Variants in SPON1 observed in about 807,000 individuals in gnomAD.
SPON1 encodes the protein spondin 1.
Under a neutral mutation model 111.7 loss-of-function variants are expected in SPON1, and 52 were observed. The ratio of observed to expected loss-of-function variants is 0.47; its 90% CI spans 0.37 to 0.59. The LOEUF (loss-of-function observed/expected upper bound fraction) is 0.59, where lower values mean the gene tolerates loss of function less well. Among genes scored for constraint, SPON1 ranks in the 20% least tolerant of loss-of-function variants. SPON1 has a pLI of 0.00. For missense variants in SPON1, 957 were observed against 1,068.5 expected, an observed-to-expected ratio of 0.90 and a Z score of 1.46; for synonymous variants, 410 against 395.8, an observed-to-expected ratio of 1.04 and a Z score of -0.43.
At chr11:14,263,182 G>A (rs562444394) in intron 15 of SPON1, 151 of 557,132 alleles carry the variant, frequency 2.7e-4, no homozygotes, top group South Asian at 2.6e-3. Context: ...GGAGATTGGC[G>A]GTGGGGGTCA....
At chr11:14,064,442 T>C (rs1317851279) in intron 3 of SPON1, among the ~76,000 whole-genome samples, 1 of 151,690 alleles carries the variant, frequency 6.6e-6, no homozygotes, top group Non-Finnish European at 1.5e-5. Context: ...GAGAGGAGGG[T>C]AGAAGTGAGG....
intron 6 of SPON1, among the ~76,000 whole-genome samples, chr11:14,161,210 T>C (rs1847953630): frequency 1.3e-5 from 1 of 79,140 alleles, no homozygotes; most frequent in Admixed American, 1.5e-4. Flanking sequence ...TTTATATATT[T>C]ATATATATCT....
chr11:14,213,084 T>C (rs2133902723), intron 6 of SPON1, among the ~76,000 whole-genome samples: 1 of 152,322 alleles, frequency 6.6e-6, no homozygotes, highest in East Asian at 1.9e-4. Context: ...TGTGCCTGCA[T>C]CCAAGCCTTT....
intron 6 of SPON1, among the ~76,000 whole-genome samples, chr11:14,204,623 A>G (rs1848498183): frequency 6.6e-6 from 1 of 151,868 alleles, no homozygotes; most frequent in Non-Finnish European, 1.5e-5. Context: ...CTTGAGGCTT[A>G]AAAACAAAGT....
At chr11:13,997,708 T>C (rs1319696515) in intron 2 of SPON1, among the ~76,000 whole-genome samples, 8 of 152,206 alleles carry the variant, frequency 5.3e-5, no homozygotes, top group African/African-American at 1.9e-4. Flanking sequence ...TCTAGTTCAT[T>C]CTATCTTTAT....
At chr11:14,134,649 C>T (rs1428101595) in intron 5 of SPON1, among the ~76,000 whole-genome samples, 1 of 152,226 alleles carries the variant, frequency 6.6e-6, no homozygotes, top group East Asian at 1.9e-4. Flanking sequence ...CTGGTCCCCA[C>T]ACATTTCTTT....
chr11:14,000,680 C>A (rs1564883098), intron 2 of SPON1, among the ~76,000 whole-genome samples: 1 of 151,988 alleles, frequency 6.6e-6, no homozygotes, highest in Non-Finnish European at 1.5e-5. Flanking sequence ...CAGCTGACAC[C>A]CTCAGGACTT....
At chr11:14,091,908 CT>C (rs1849062075) in intron 5 of SPON1, among the ~76,000 whole-genome samples, 2 of 147,192 alleles carry the variant, frequency 1.4e-5, no homozygotes, top group Admixed American at 6.7e-5. Flanking sequence ...TCACGGCTTC[CT>C]TTTGCTGGGG....
intron 2 of SPON1, among the ~76,000 whole-genome samples, chr11:13,988,197 T>C (rs980331030): frequency 6.6e-6 from 1 of 152,150 alleles, no homozygotes; most frequent in Non-Finnish European, 1.5e-5. Context: ...ATGGAATGTT[T>C]TTCCATTTGT....
intron 4 of SPON1, among the ~76,000 whole-genome samples, chr11:14,077,027 A>T (rs547906830): frequency 6.6e-6 from 1 of 152,294 alleles, no homozygotes; most frequent in South Asian, 2.1e-4. Context: ...CTGTATCTTC[A>T]TGTGATGAGA....
At chr11:14,205,519 A>G (rs1037073286) in intron 6 of SPON1, among the ~76,000 whole-genome samples, 7 of 152,230 alleles carry the variant, frequency 4.6e-5, no homozygotes, top group African/African-American at 1.7e-4. Context: ...TATGTTAACA[A>G]AGAATATAAC....
chr11:14,250,524 A>T (rs1259418084), intron 7 of SPON1, among the ~76,000 whole-genome samples: 1 of 151,950 alleles, frequency 6.6e-6, no homozygotes, highest in Non-Finnish European at 1.5e-5. Flanking sequence ...TGGGATCTCC[A>T]GTCTGTATTG....
intron 5 of SPON1, among the ~76,000 whole-genome samples, chr11:14,090,823 G>GCCCCCCCCCCCCCCCCCCCCCCCCC (rs1360339677): frequency 3.7e-5 from 1 of 27,054 alleles, no homozygotes; most frequent in African/African-American, 2.7e-4. Context: ...TCTCTTATCT[G>GCCCCCCCCCCCCCCCCCCCCCCCCC]GCCCCCCCCC....
At chr11:14,151,216 A>C (rs1183183608) in intron 6 of SPON1, among the ~76,000 whole-genome samples, 3 of 152,206 alleles carry the variant, frequency 2.0e-5, no homozygotes, top group African/African-American at 7.2e-5. Flanking sequence ...AAGCTCTTTC[A>C]AAGGTTAGCC....
At position 14,260,744 on chromosome 11, in the gene SPON1, C is replaced by T. The variant is rs781795538; in HGVS notation, c.1988C>T (p.Pro663Leu). ...DLEQVEKCML[P>L]ECPIDCELTE... ...GAGCAGGTGGAGAAGTGCATGCTCC[C>T]TGAATGCCGTAAGTCCTGGAGCTCC... The change falls in exon 14 of 16, where the codon CCT becomes CTT. Residue 663 changes from proline to leucine, a missense_variant. Around this residue, in one of 5 missense-constraint regions of SPON1, gnomAD observed 549 missense variants for 606.2 expected, o/e 0.91. Transcript: ENST00000576479. The T allele has an allele frequency of 6.2e-7, 1 of 1,613,394 alleles. No individual in the cohort carries two copies. Among genetic ancestry groups the T allele is most frequent in the Non-Finnish European group, 8.5e-7 (1 of 1,179,542 alleles).
rs781888656 is a variant in SPON1 at position 14,257,802 on chromosome 11, C to T, written c.1396C>T (p.Arg466Ter). The change falls in exon 11 of 16, where the codon CGA (arginine) becomes TGA (stop). Residue 466 changes from arginine (R) to a stop codon, truncating the protein, a stop_gained. Coordinates refer to ENST00000576479, the MANE Select transcript of SPON1 (RefSeq NM_006108.4). LOFTEE classifies it high-confidence loss of function. ...CACCTGTGACAAAGGCAAGAGGATG[C>T]GACAGCGCATGCTGAAAGCACAGCT... ...SSTCDKGKRM[R>*]QRMLKAQLDL... The T allele has an allele frequency of 3.7e-6, 6 of 1,610,962 alleles. No individual in the cohort carries two copies. Among genetic ancestry groups the T allele is most frequent in the Non-Finnish European group, 5.1e-6 (6 of 1,178,678 alleles).
chr11:14,003,263 A>C (rs1042305841), intron 2 of SPON1, among the ~76,000 whole-genome samples: 2 of 152,190 alleles, frequency 1.3e-5, no homozygotes, highest in Non-Finnish European at 2.9e-5. Context: ...TGGGATTCCA[A>C]AGAAAGGAGC....
At chr11:13,985,147 C>T (rs1848172618) in intron 2 of SPON1, among the ~76,000 whole-genome samples, 1 of 152,212 alleles carries the variant, frequency 6.6e-6, no homozygotes, top group Non-Finnish European at 1.5e-5. Flanking sequence ...CTGATGCATG[C>T]TCAGATTTGG....
At chr11:14,247,943 A>G (rs1048165573) in intron 7 of SPON1, among the ~76,000 whole-genome samples, 3 of 152,248 alleles carry the variant, frequency 2.0e-5, no homozygotes, top group Non-Finnish European at 4.4e-5. Context: ...TGCCAAGGGC[A>G]TAAGAATAGG....
Sources: gnomAD v4.1 joint callset for allele counts (sites outside exome capture counted in the v4.1 genomes callset) on GRCh38, gnomAD v4.1.1 for gene constraint, gnomAD v4.1.1 regional missense constraint, MANE v1.5 for transcripts, NCBI Gene and HGNC (gene_info 2026-07-23, HGNC 2026-07-21) for gene names.